PTPRD: variants seen among roughly 807,000 people sequenced by gnomAD.
PTPRD encodes receptor-type tyrosine-protein phosphatase delta.
In PTPRD, 34 loss-of-function variants were observed where a neutral mutation model predicts 214.5. That is an observed-to-expected ratio of 0.16 (90% confidence interval 0.12 to 0.21). The LOEUF is 0.21. PTPRD is among the 10% of genes least tolerant of loss of function. The pLI, the probability that PTPRD is intolerant of heterozygous loss-of-function variation, is 1.00. For synonymous variants in PTPRD, 1,128 were observed against 845.7 expected (o/e 1.33, Z -5.79); for missense variants, 2,545 against 2,398.7 (o/e 1.06, Z -1.27).
intron 5 of PTPRD, among the ~76,000 whole-genome samples, chr9:9,784,054 T>A (rs769396307): frequency 6.6e-6 from 1 of 152,102 alleles, no homozygotes; most frequent in Non-Finnish European, 1.5e-5. Context: ...GTAATTTGCA[T>A]CAATATGTCG....
At position 10,008,833 on chromosome 9, in the gene PTPRD, G is replaced by C. The variant is rs900612156; in HGVS notation, c.-472+24885C>G. Among the ~76,000 whole-genome samples, 6 of 151,782 alleles carry C rather than the reference G, an allele frequency of 4.0e-5. 1 individual carries two copies. Among genetic ancestry groups the C allele is most frequent in the African/African-American group, 1.4e-4 (6 of 41,444 alleles). On this transcript the variant is annotated intron_variant, in intron 4 of 45. Coordinates refer to ENST00000381196, the MANE Select transcript of PTPRD (RefSeq NM_002839.4). Reference sequence around the variant, plus strand: ...AATTCTCTATAACAAATTCAAGAAAGACCAAAATAAAGAACCACACTTGCC... The same window carrying C: ...AATTCTCTATAACAAATTCAAGAAACACCAAAATAAAGAACCACACTTGCC...
chr9:9,984,786 C>T (rs1588159063), intron 4 of PTPRD, among the ~76,000 whole-genome samples: 1 of 151,986 alleles, frequency 6.6e-6, no homozygotes, highest in Non-Finnish European at 1.5e-5. Flanking sequence ...TGCTGTCTCT[C>T]GGAGGCCTGG....
chr9:9,130,768 T>A (rs1485959319), intron 10 of PTPRD, among the ~76,000 whole-genome samples: 2 of 152,164 alleles, frequency 1.3e-5, no homozygotes, highest in African/African-American at 4.8e-5. Context: ...AGTGTATTTA[T>A]TAGGTTGCTG....
chr9:10,595,950 C>A (rs960580946), intron 2 of PTPRD, among the ~76,000 whole-genome samples: 4 of 151,702 alleles, frequency 2.6e-5, no homozygotes, highest in African/African-American at 9.7e-5. Context: ...TTGCCTCCAC[C>A]CTTTAATCGT....
Position 8,316,402 on chromosome 9 carries a change from C to G in PTPRD, c.*1472G>C. ...CAAAGTACAGCACTTCCCAGGAATG[C>G]TGTATGCCACAAAATGTTTCTGACT... On this transcript the variant is annotated 3_prime_UTR_variant, in exon 46 of 46. Coordinates refer to ENST00000381196, the MANE Select transcript of PTPRD (RefSeq NM_002839.4). 8.6e-6 allele frequency: 2 copies of G among 231,282 alleles called. No homozygotes were observed. Among genetic ancestry groups the G allele is most frequent in the Non-Finnish European group, 8.6e-6 (1 of 116,600 alleles). 14.3% of individuals were successfully genotyped at this position (231,282 alleles called of 1,614,324 possible).
At chr9:9,102,124 T>C (rs1182469409) in intron 10 of PTPRD, among the ~76,000 whole-genome samples, 1 of 152,226 alleles carries the variant, frequency 6.6e-6, no homozygotes, top group Non-Finnish European at 1.5e-5. Flanking sequence ...GTCTTTTATG[T>C]AATTATTGAA....
intron 35 of PTPRD, among the ~76,000 whole-genome samples, chr9:8,411,158 T>C (rs969879408): frequency 6.6e-6 from 1 of 152,078 alleles, no homozygotes; most frequent in African/African-American, 2.4e-5. Context: ...AGTGTTTTAC[T>C]ATTTTAGTGT....
intron 3 of PTPRD, among the ~76,000 whole-genome samples, chr9:10,092,338 T>C (rs1427317740): frequency 6.6e-6 from 1 of 151,394 alleles, no homozygotes; most frequent in Non-Finnish European, 1.5e-5. Flanking sequence ...TCAGAAAAGG[T>C]GATAATGCCT....
intron 14 of PTPRD, among the ~76,000 whole-genome samples, chr9:8,565,113 A>C (rs1392087687): frequency 6.6e-6 from 1 of 152,168 alleles, no homozygotes; most frequent in Admixed American, 6.5e-5. Flanking sequence ...GTGGCCATGT[A>C]ATCTGCTCCC....
At chr9:8,817,990 G>A (rs2096956858) in intron 11 of PTPRD, among the ~76,000 whole-genome samples, 1 of 152,150 alleles carries the variant, frequency 6.6e-6, no homozygotes, top group Non-Finnish European at 1.5e-5. Context: ...TTTACAACCT[G>A]AGCTTCCAAA....
chr9:9,293,520 T>G (rs1951923790), intron 9 of PTPRD, among the ~76,000 whole-genome samples: 1 of 151,520 alleles, frequency 6.6e-6, no homozygotes, highest in Admixed American at 6.6e-5. Flanking sequence ...ATTATTATTA[T>G]TACTGACTAA....
intron 11 of PTPRD, among the ~76,000 whole-genome samples, chr9:8,980,965 CA>C (rs2099309710): frequency 6.6e-6 from 1 of 152,028 alleles, no homozygotes; most frequent in African/African-American, 2.4e-5. Flanking sequence ...ACATTGACAT[CA>C]GCCTCAGCAT....
At chr9:9,852,434 T>C (rs2060723417) in intron 5 of PTPRD, among the ~76,000 whole-genome samples, 1 of 151,880 alleles carries the variant, frequency 6.6e-6, no homozygotes, top group South Asian at 2.1e-4. Context: ...CTATTAGATA[T>C]GGAGATTAAG....
intron 39 of PTPRD, among the ~76,000 whole-genome samples, chr9:8,348,414 A>G (rs895869577): frequency 6.6e-6 from 1 of 152,018 alleles, no homozygotes; most frequent in African/African-American, 2.4e-5. Flanking sequence ...TTTTCTTTAC[A>G]TATGACCAAC....
chr9:9,900,022 A>G (rs1348534656), intron 5 of PTPRD, among the ~76,000 whole-genome samples: 1 of 152,140 alleles, frequency 6.6e-6, no homozygotes, highest in African/African-American at 2.4e-5. Context: ...GGCTGGGGGG[A>G]AAACAAGAAA....
At position 10,499,610 on chromosome 9, in the gene PTPRD, G is replaced by C. The variant is rs535855998; in HGVS notation, c.-600+112788C>G. Among the ~76,000 whole-genome samples the C allele has an allele frequency of 1.1e-4, 17 of 151,956 alleles. No individual in the cohort carries two copies. The East Asian group carries it at 2.1e-3, about 19-fold the overall frequency. ...ATGGCTGCTCTGCAATTTCTAAATA[G>C]ATATGAACTTGTTTCTAAATTTATG... On this transcript the variant is annotated intron_variant, in intron 2 of 45. Transcript: ENST00000381196.
chr9:9,667,597 C>G (rs746657676), intron 7 of PTPRD, among the ~76,000 whole-genome samples: 54 of 152,152 alleles, frequency 3.5e-4, no homozygotes, highest in Non-Finnish European at 3.7e-4. Flanking sequence ...TTTAAGCACA[C>G]AGGGATTTCT....
intron 11 of PTPRD, among the ~76,000 whole-genome samples, chr9:8,772,790 T>C (rs757413766): frequency 6.6e-6 from 1 of 152,222 alleles, no homozygotes; most frequent in Non-Finnish European, 1.5e-5. Context: ...CTATATCTGG[T>C]AATTTTTTAT....
rs564521336 is a variant in PTPRD at position 9,361,046 on chromosome 9, T to C, written c.-203+36403A>G. On this transcript the variant is annotated intron_variant, in intron 9 of 45. Transcript: ENST00000381196. ...ATATTTTCAGTCCTGAGGTTCTCAA[T>C]ATATTGCATATAAAGGGATAATTTC... Among the ~76,000 whole-genome samples the C allele has an allele frequency of 9.4e-4, 142 of 151,264 alleles. 1 individual carries two copies. The highest frequency in any genetic ancestry group is 3.4e-3 in the Middle Eastern group (1 of 294).
Sources: gnomAD v4.1 joint callset for allele counts (sites outside exome capture counted in the v4.1 genomes callset) on GRCh38, gnomAD v4.1.1 for gene constraint, MANE v1.5 for transcripts, NCBI Gene and HGNC (gene_info 2026-07-23, HGNC 2026-07-21) for gene names.